Variants in NTRK2 observed in about 807,000 individuals in gnomAD.
NTRK2 encodes BDNF/NT-3 growth factors receptor.
Under a neutral mutation model 94.5 loss-of-function variants are expected in NTRK2, and 13 were observed. That is an observed-to-expected ratio of 0.14 (90% CI 0.09 to 0.22). NTRK2 has a LOEUF of 0.22. Among genes scored for constraint, NTRK2 ranks in the 10% least tolerant of loss-of-function variants. The probability of loss-of-function intolerance (pLI) is 1.00; values close to 1 mark genes in which losing one functional copy is unlikely to be tolerated. For missense variants in NTRK2, 639 were observed against 1,071.2 expected, an observed-to-expected ratio of 0.60 and a Z score of 5.63; for synonymous variants, 372 against 407.4, an observed-to-expected ratio of 0.91 and a Z score of 1.05.
intron 14 of NTRK2, among the ~76,000 whole-genome samples, chr9:84,897,884 T>A (rs1379997395): frequency 6.6e-6 from 1 of 152,138 alleles, no homozygotes; most frequent in African/African-American, 2.4e-5. Flanking sequence ...GACCCAGGGC[T>A]CTATAAAACC....
chr9:84,914,812 C>T (rs1324322281), intron 14 of NTRK2, among the ~76,000 whole-genome samples: 2 of 152,140 alleles, frequency 1.3e-5, no homozygotes, highest in Non-Finnish European at 1.5e-5. Flanking sequence ...AAAGAAAATC[C>T]AGGGAATTCA....
intron 2 of NTRK2, among the ~76,000 whole-genome samples, chr9:84,689,225 C>G (rs530867275): frequency 1.3e-5 from 2 of 152,362 alleles, no homozygotes; most frequent in African/African-American, 4.8e-5. Flanking sequence ...ACTGAACAGC[C>G]TGAGGCTAAG....
intron 12 of NTRK2, among the ~76,000 whole-genome samples, chr9:84,844,022 G>A (rs1434832038): frequency 6.6e-6 from 1 of 152,214 alleles, no homozygotes; most frequent in African/African-American, 2.4e-5. Context: ...GCAGTTGCTA[G>A]GGTGTAAGAG....
intron 2 of NTRK2, among the ~76,000 whole-genome samples, chr9:84,689,063 A>G (rs1406965757): frequency 6.6e-6 from 1 of 152,240 alleles, no homozygotes; most frequent in African/African-American, 2.4e-5. Flanking sequence ...TGCATGTAGA[A>G]TGCTTATAGC....
intron 8 of NTRK2, among the ~76,000 whole-genome samples, chr9:84,726,096 C>T (rs780950750): frequency 1.3e-5 from 2 of 152,140 alleles, no homozygotes; most frequent in Non-Finnish European, 2.9e-5. Context: ...GTTTTTTTCT[C>T]AGTTTCAGGT....
intron 15 of NTRK2, among the ~76,000 whole-genome samples, chr9:84,939,669 T>G: frequency 6.6e-6 from 1 of 152,138 alleles, no homozygotes; most frequent in Non-Finnish European, 1.5e-5. Context: ...ATAATCAGCT[T>G]TTATAAAAAG....
At chr9:84,898,677 C>A (rs1323578340) in intron 14 of NTRK2, among the ~76,000 whole-genome samples, 1 of 151,426 alleles carries the variant, frequency 6.6e-6, no homozygotes, top group East Asian at 1.9e-4. Context: ...CCTTCTGAGC[C>A]CCCATTTTTT....
chr9:84,887,477 C>G (rs1292888586), intron 14 of NTRK2, among the ~76,000 whole-genome samples: 1 of 152,230 alleles, frequency 6.6e-6, no homozygotes, highest in East Asian at 1.9e-4. Flanking sequence ...ATTTCCTGCT[C>G]TCAAAGAAAT....
At chr9:84,821,162 A>G (rs945764918) in intron 12 of NTRK2, among the ~76,000 whole-genome samples, 1 of 149,814 alleles carries the variant, frequency 6.7e-6, no homozygotes, top group Non-Finnish European at 1.5e-5. Flanking sequence ...CTTTTCTTTC[A>G]GTTCTCTTTT....
chr9:84,974,717 C>T (rs1475161330), intron 17 of NTRK2, among the ~76,000 whole-genome samples: 2 of 152,166 alleles, frequency 1.3e-5, no homozygotes, highest in Non-Finnish European at 2.9e-5. Flanking sequence ...TGTGGAGAAC[C>T]TCTTGGTTTC....
At chr9:84,928,264 G>C (rs1044653924) in intron 14 of NTRK2, among the ~76,000 whole-genome samples, 7 of 152,096 alleles carry the variant, frequency 4.6e-5, no homozygotes, top group South Asian at 4.1e-4. Flanking sequence ...GATTCAATAT[G>C]CTGCTAATAC....
intron 2 of NTRK2, among the ~76,000 whole-genome samples, chr9:84,698,548 G>T (rs959554274): frequency 1.2e-4 from 18 of 152,036 alleles, no homozygotes; most frequent in Non-Finnish European, 2.6e-4. Context: ...ACTTCTCTTG[G>T]ATGAATACCT....
chr9:84,901,257 T>G (rs113726771), intron 14 of NTRK2, among the ~76,000 whole-genome samples: 1 of 129,242 alleles, frequency 7.7e-6, no homozygotes, highest in African/African-American at 2.7e-5. Context: ...GAGTCTCTCC[T>G]TGTCACCCAG....
At chr9:85,012,787 C>G (rs950283396) in intron 17 of NTRK2, among the ~76,000 whole-genome samples, 17 of 152,054 alleles carry the variant, frequency 1.1e-4, no homozygotes, top group African/African-American at 4.1e-4. Context: ...ATCCAGGTGT[C>G]AGGAGATAGT....
chr9:84,764,491 ATTGGGTGC>A (rs1482161987), intron 12 of NTRK2, among the ~76,000 whole-genome samples: 45 of 152,124 alleles, frequency 3.0e-4, no homozygotes, highest in Non-Finnish European at 4.4e-4. Flanking sequence ...TGAGGCAATG[ATTGGGTGC>A]TTGGGATCCA....
At chr9:84,943,205 C>A (rs992723731) in intron 15 of NTRK2, among the ~76,000 whole-genome samples, 8 of 152,200 alleles carry the variant, frequency 5.3e-5, no homozygotes, top group African/African-American at 1.9e-4. Flanking sequence ...TCCTAAACCA[C>A]CTACACTTTG....
intron 9 of NTRK2, among the ~76,000 whole-genome samples, chr9:84,739,587 C>T (rs1246152650): frequency 6.6e-6 from 1 of 152,182 alleles, no homozygotes; most frequent in Non-Finnish European, 1.5e-5. Flanking sequence ...AAATCTGGCT[C>T]TGAATCCTCA....
chr9:84,869,123 C>T (rs73474501), intron 14 of NTRK2, among the ~76,000 whole-genome samples: 4,765 of 152,216 alleles, frequency 0.031, 261 homozygotes, highest in African/African-American at 0.11. Flanking sequence ...TCTGGAAGTG[C>T]TTTCTTCCCT....
rs2132979988 is a variant in NTRK2 at position 84,955,517 on chromosome 9, G to A, written c.2172G>A (p.Arg724=). ...ACGTGTACAGCACTGACTACTACAG[G>A]GTGAGTAGCTGTGCAGATCAGAGAC... is the stretch of plus-strand genomic sequence containing the variant. ...SRDVYSTDYY[R]VGGHTMLPIR... is the part of the protein sequence containing the mutation. Residue 724 remains arginine (R), a splice_region_variant and synonymous_variant, in exon 17 of 19, where the codon AGG becomes AGA. Coordinates refer to ENST00000277120, the MANE Select transcript of NTRK2 (RefSeq NM_006180.6). 6.2e-7 allele frequency: 1 copy of A among 1,611,984 alleles called. No individual in the cohort carries two copies. The highest frequency in any genetic ancestry group is 1.7e-5 in the Admixed American group (1 of 59,996).
Sources: allele counts gnomAD v4.1 joint callset (sites outside exome capture counted in the v4.1 genomes callset), GRCh38; gene constraint gnomAD v4.1.1; transcripts MANE v1.5; gene names NCBI Gene and HGNC (gene_info 2026-07-23, HGNC 2026-07-21).